Variants in DNAH3 observed in about 807,000 individuals in gnomAD.
DNAH3 encodes axonemal beta dynein heavy chain 3.
A neutral mutation model predicts 432.5 loss-of-function variants in DNAH3; 332 were observed. The ratio of observed to expected loss-of-function variants is 0.77; its 90% CI spans 0.70 to 0.84. The LOEUF (loss-of-function observed/expected upper bound fraction) is 0.84. DNAH3 is among the 40% of genes least tolerant of loss of function. The pLI is 0.00. For synonymous variants in DNAH3, 1,956 were observed against 1,900.2 expected, an observed-to-expected ratio of 1.03 and a Z score of -0.76; for missense variants, 4,861 against 5,114.0, an observed-to-expected ratio of 0.95 and a Z score of 1.51.
intron 57 of DNAH3, among the ~76,000 whole-genome samples, chr16:20,947,129 T>G (rs897509072): frequency 3.9e-5 from 6 of 151,966 alleles, no homozygotes; most frequent in Non-Finnish European, 8.8e-5. Context: ...CTGACCTGAT[T>G]GTGAGTCTTA....
chr16:21,062,668 T>A, exon 25 of DNAH3: 1 of 1,613,308 alleles, frequency 6.2e-7, no homozygotes, highest in Non-Finnish European at 8.5e-7. Flanking sequence ...GCTCATCGTT[T>A]GATAGGAAGA....
At chr16:21,101,562 C>A (rs1426543285) in intron 16 of DNAH3, among the ~76,000 whole-genome samples, 1 of 152,122 alleles carries the variant, frequency 6.6e-6, no homozygotes. Flanking sequence ...AGAATTCACT[C>A]CCATGTTCAA....
intron 50 of DNAH3, among the ~76,000 whole-genome samples, chr16:20,977,266 A>G (rs1367101460): frequency 6.6e-6 from 1 of 152,062 alleles, no homozygotes; most frequent in African/African-American, 2.4e-5. Context: ...AATCCCAGCT[A>G]CTCGGGAGAC....
intron 18 of DNAH3, among the ~76,000 whole-genome samples, chr16:21,096,932 C>T (rs2091700146): frequency 6.6e-6 from 1 of 152,172 alleles, no homozygotes; most frequent in Non-Finnish European, 1.5e-5. Context: ...CCTCCCTGCC[C>T]CTTAACCCAT....
chr16:21,054,534 C>A (rs759947806), exon 28 of DNAH3: 7 of 1,612,502 alleles, frequency 4.3e-6, no homozygotes, highest in Admixed American at 1.7e-5. Context: ...TTCAGAAAAT[C>A]CTGGAAGGGG....
intron 19 of DNAH3, among the ~76,000 whole-genome samples, chr16:21,083,041 G>C (rs2091248782): frequency 2.0e-5 from 3 of 147,218 alleles, no homozygotes; most frequent in Non-Finnish European, 3.0e-5. Flanking sequence ...TTTTGAGAGA[G>C]AGTCTCGCTC....
At chr16:21,080,401 T>G (rs1192866815) in intron 20 of DNAH3, among the ~76,000 whole-genome samples, 2 of 152,262 alleles carry the variant, frequency 1.3e-5, no homozygotes, top group African/African-American at 4.8e-5. Flanking sequence ...TGACTCAATA[T>G]ATCCAAAATA....
chr16:21,093,909 C>T (rs1258854501), intron 18 of DNAH3, among the ~76,000 whole-genome samples: 1 of 151,880 alleles, frequency 6.6e-6, no homozygotes, highest in Non-Finnish European at 1.5e-5. Flanking sequence ...AAAAAATTAA[C>T]TCAAAATGGA....
chr16:21,153,142 A>G (rs1201822920), intron 1 of DNAH3, among the ~76,000 whole-genome samples: 1 of 152,068 alleles, frequency 6.6e-6, no homozygotes, highest in Non-Finnish European at 1.5e-5. Flanking sequence ...AGTCTAACTC[A>G]GGGTTTGTGA....
At chr16:21,143,766 AATCCT>A (rs2092749620) in intron 3 of DNAH3, among the ~76,000 whole-genome samples, 1 of 152,214 alleles carries the variant, frequency 6.6e-6, no homozygotes, top group Admixed American at 6.5e-5. Flanking sequence ...GGGAAAAAGA[AATCCT>A]CCAAGTGATA....
chr16:20,985,334 G>A lies in DNAH3; in HGVS notation c.7408C>T (p.Arg2470Ter), dbSNP rs375910203. Residue 2470 changes from arginine (R) to a stop codon, truncating the protein, a stop_gained, in exon 48 of 62, where the codon CGA becomes TGA. Coordinates refer to ENST00000261383, the Ensembl canonical transcript of DNAH3. LOFTEE classifies it high-confidence loss of function. ...AGTATGATCTTCTTAAGATCTTCTC[G>A]CCAGTCATTGCCTGCGTAGTTCTTG... The A allele has an allele frequency of 2.0e-5, 33 of 1,614,042 alleles. No homozygotes were observed. The highest frequency in any genetic ancestry group is 1.7e-4 in the Admixed American group (10 of 59,990).
chr16:21,135,312 G>T (rs2092627298), intron 6 of DNAH3, among the ~76,000 whole-genome samples: 1 of 152,182 alleles, frequency 6.6e-6, no homozygotes, highest in African/African-American at 2.4e-5. Flanking sequence ...TTTACAAATA[G>T]AAGTTTAAAG....
chr16:21,076,426 C>CA (rs1339551603), intron 20 of DNAH3, among the ~76,000 whole-genome samples: 1 of 152,208 alleles, frequency 6.6e-6, no homozygotes, highest in Non-Finnish European at 1.5e-5. Context: ...GTAAGCCACT[C>CA]AGTCTGTGGT....
At chr16:21,107,239 C>CTTTTTTTTT (rs5816146) in intron 14 of DNAH3, among the ~76,000 whole-genome samples, 3 of 91,304 alleles carry the variant, frequency 3.3e-5, no homozygotes, top group African/African-American at 8.0e-5. Context: ...AATTTTTAAT[C>CTTTTTTTTT]TTTTTTTTTT....
At chr16:20,944,711 C>A in intron 57 of DNAH3, 48 bp from the exon 58 acceptor site, 1 of 1,597,552 alleles carries the variant, frequency 6.3e-7, no homozygotes, top group Non-Finnish European at 8.6e-7. Flanking sequence ...CCCAGAATCC[C>A]ACAGATGACT....
At chr16:21,048,077 A>T (rs1185820200) in intron 31 of DNAH3, among the ~76,000 whole-genome samples, 2 of 152,178 alleles carry the variant, frequency 1.3e-5, no homozygotes, top group African/African-American at 4.8e-5. Flanking sequence ...TCCTCTCTTC[A>T]AAGCTGTCAG....
At chr16:21,098,632 G>T (rs748218982) in exon 17 of DNAH3, 5 of 1,612,638 alleles carry the variant, frequency 3.1e-6, no homozygotes, top group Non-Finnish European at 3.4e-6. Flanking sequence ...CTCTGCAAAC[G>T]CCCGATTTAG....
chr16:21,040,033 C>T, intron 32 of DNAH3, 90 bp from the exon 33 acceptor site: 1 of 1,088,974 alleles, frequency 9.2e-7, no homozygotes, highest in Non-Finnish European at 1.4e-6. Flanking sequence ...AGTAGCTTTG[C>T]TTCATTCAGG....
chr16:21,119,554 T>C (rs1008488689), intron 11 of DNAH3, among the ~76,000 whole-genome samples: 8 of 151,098 alleles, frequency 5.3e-5, no homozygotes, highest in South Asian at 2.1e-4. Flanking sequence ...GGCTTGAGCC[T>C]GGGAGGTAGA....
Sources: gnomAD v4.1 joint callset for allele counts (sites outside exome capture counted in the v4.1 genomes callset) on GRCh38, gnomAD v4.1.1 for gene constraint, MANE v1.5 for transcripts, NCBI Gene and HGNC (gene_info 2026-07-23, HGNC 2026-07-21) for gene names.